The following MICOS10 variants were observed in gnomAD, a reference collection of about 807,000 sequenced individuals.
MICOS10 encodes mitochondrial contact site and cristae organizing system subunit 10, also known as MICOS complex subunit MIC10.
In MICOS10, 5 loss-of-function variants were observed where a neutral mutation model predicts 13.4. That is an observed-to-expected ratio of 0.37 (90% CI 0.20 to 0.78). MICOS10 has a LOEUF of 0.78. MICOS10 is among the 30% of genes least tolerant of loss of function. The probability of loss-of-function intolerance (pLI) is 0.47; values close to 1 mark genes in which losing one functional copy is unlikely to be tolerated. For missense variants in MICOS10, 101 were observed against 94.6 expected (o/e 1.07, Z -0.28); for synonymous variants, 35 against 33.6 (o/e 1.04, Z -0.15).
chr1:19,611,987 A>AAAAAAAAAT (rs1558342500), intron 1 of MICOS10, among the ~76,000 whole-genome samples: 1 of 147,746 alleles, frequency 6.8e-6, no homozygotes, highest in African/African-American at 2.5e-5. Flanking sequence ...AAAAAAAAAG[A>AAAAAAAAAT]TTTTTTTTTC....
chr1:19,603,145 C>T (rs545068980), intron 1 of MICOS10, among the ~76,000 whole-genome samples: 14 of 152,040 alleles, frequency 9.2e-5, no homozygotes, highest in Non-Finnish European at 1.8e-4. Context: ...GCCTGGACAA[C>T]ATGGCGAAAC....
intron 1 of MICOS10, among the ~76,000 whole-genome samples, chr1:19,602,625 G>A (rs559451693): frequency 2.0e-5 from 3 of 152,190 alleles, no homozygotes; most frequent in Non-Finnish European, 4.4e-5. Context: ...AGTTTTATGT[G>A]AATGCGTCAT....
At chr1:19,622,201 G>A in intron 2 of MICOS10, 54 bp downstream of exon 2, 4 of 1,439,540 alleles carry the variant, frequency 2.8e-6, no homozygotes, top group Non-Finnish European at 3.9e-6. Context: ...CATATACGTA[G>A]CAGGGACACT....
At chr1:19,616,276 G>A (rs2094884244) in intron 1 of MICOS10, among the ~76,000 whole-genome samples, 1 of 152,184 alleles carries the variant, frequency 6.6e-6, no homozygotes. Context: ...TAGCTATAAT[G>A]ATGTATAAAT....
chr1:19,597,275 C>G (rs1015919059), intron 1 of MICOS10, among the ~76,000 whole-genome samples, 166 bp downstream of exon 1: 2 of 152,198 alleles, frequency 1.3e-5, no homozygotes, highest in African/African-American at 4.8e-5. Flanking sequence ...GGAGGTCACT[C>G]GGGCGGCGGG....
At chr1:19,625,670 G>T (rs2094919419) in intron 3 of MICOS10, 2 of 1,269,744 alleles carry the variant, frequency 1.6e-6, no homozygotes, top group African/African-American at 3.1e-5. Context: ...TCCAAACTGA[G>T]TTGTCAGGGA....
chr1:19,608,928 T>C (rs1156723733), intron 1 of MICOS10, among the ~76,000 whole-genome samples: 1 of 144,632 alleles, frequency 6.9e-6, no homozygotes, highest in African/African-American at 2.5e-5. Context: ...ACTTCTGGCC[T>C]CAAGCAATCC....
chr1:19,612,719 C>G (rs1006158951), intron 1 of MICOS10, among the ~76,000 whole-genome samples: 10 of 152,094 alleles, frequency 6.6e-5, no homozygotes, highest in African/African-American at 1.9e-4. Context: ...TGCCGCTGTA[C>G]TATCATGTCA....
intron 1 of MICOS10, among the ~76,000 whole-genome samples, chr1:19,604,671 T>C (rs1266297112): frequency 6.6e-6 from 1 of 152,196 alleles, no homozygotes; most frequent in African/African-American, 2.4e-5. Flanking sequence ...TGTTTATATA[T>C]GTAATAGTAA....
chr1:19,603,207 T>C (rs1280591981), intron 1 of MICOS10, among the ~76,000 whole-genome samples: 1 of 152,140 alleles, frequency 6.6e-6, no homozygotes, highest in Non-Finnish European at 1.5e-5. Context: ...GGTGCATGCC[T>C]GTAATCTCAG....
chr1:19,608,465 G>C (rs746117358), intron 1 of MICOS10: 7 of 1,260,672 alleles, frequency 5.6e-6, no homozygotes, highest in Non-Finnish European at 8.2e-6. Flanking sequence ...GGCCCTCAGA[G>C]CCCTTGCCTG....
At chr1:19,608,023 G>A (rs192774914) in intron 1 of MICOS10, 24 of 657,968 alleles carry the variant, frequency 3.6e-5, no homozygotes, top group Middle Eastern at 2.5e-4. Flanking sequence ...AATGAGCCTC[G>A]CTTAAAAGGG....
At chr1:19,626,172 TCG>T (rs1233575503) in intron 3 of MICOS10, among the ~76,000 whole-genome samples, 1 of 152,214 alleles carries the variant, frequency 6.6e-6, no homozygotes, top group Non-Finnish European at 1.5e-5. Flanking sequence ...CCTGTTCCAC[TCG>T]TTTCCCACTC....
intron 1 of MICOS10, among the ~76,000 whole-genome samples, chr1:19,618,282 A>T (rs2094891616): frequency 7.3e-6 from 1 of 137,004 alleles, no homozygotes; most frequent in African/African-American, 3.6e-5. Context: ...ATTTTTATTT[A>T]TTTATTATTA....
At chr1:19,623,717 T>G (rs1301659371) in intron 3 of MICOS10, 134 bp downstream of exon 3, 1 of 635,368 alleles carries the variant, frequency 1.6e-6, no homozygotes, top group Admixed American at 2.8e-5. Context: ...TACTAATTGC[T>G]CTTTGGCCTT....
chr1:19,610,660 T>G, intron 1 of MICOS10, among the ~76,000 whole-genome samples: 1 of 152,054 alleles, frequency 6.6e-6, no homozygotes, highest in East Asian at 1.9e-4. Context: ...TTAGGATAAT[T>G]TATAGTTATT....
At chr1:19,599,415 T>A (rs998326809) in intron 1 of MICOS10, among the ~76,000 whole-genome samples, 12 of 152,200 alleles carry the variant, frequency 7.9e-5, no homozygotes, top group Admixed American at 4.6e-4. Flanking sequence ...CAGTGAATAG[T>A]GTCACTCTGT....
chr1:19,597,675 G>C (rs1399569632), intron 1 of MICOS10, among the ~76,000 whole-genome samples: 2 of 152,192 alleles, frequency 1.3e-5, no homozygotes, highest in Non-Finnish European at 2.9e-5. Flanking sequence ...AATTGCGCTG[G>C]AAAGTAAGAA....
intron 1 of MICOS10, among the ~76,000 whole-genome samples, chr1:19,600,080 A>G (rs530484360): frequency 3.2e-4 from 48 of 151,318 alleles, no homozygotes; most frequent in African/African-American, 1.1e-3. Flanking sequence ...GTTGCCATTA[A>G]AAAAAAAATT....
Sources: gnomAD v4.1 joint callset for allele counts (sites outside exome capture counted in the v4.1 genomes callset) on GRCh38, gnomAD v4.1.1 for gene constraint, MANE v1.5 for transcripts, NCBI Gene and HGNC (gene_info 2026-07-23, HGNC 2026-07-21) for gene names.